ARHGAP15: variants seen among roughly 807,000 people sequenced by gnomAD.
ARHGAP15 encodes Rho GTPase activating protein 15.
In ARHGAP15, 51 loss-of-function variants were observed where a neutral mutation model predicts 63.7. The observed-to-expected ratio is 0.80, with a 90% confidence interval of 0.64 to 1.01. The LOEUF (loss-of-function observed/expected upper bound fraction) is 1.01. Among genes scored for constraint, ARHGAP15 ranks in the 50% least tolerant of loss-of-function variants. The probability of loss-of-function intolerance (pLI) is 0.00; values close to 1 mark genes in which losing one functional copy is unlikely to be tolerated. For synonymous variants in ARHGAP15, 191 were observed against 193.8 expected, an observed-to-expected ratio of 0.99 and a Z score of 0.12; for missense variants, 560 against 564.6, an observed-to-expected ratio of 0.99 and a Z score of 0.08.
At chr2:143,643,064 G>T (rs1472061955) in intron 12 of ARHGAP15, among the ~76,000 whole-genome samples, 2 of 152,090 alleles carry the variant, frequency 1.3e-5, no homozygotes, top group Non-Finnish European at 2.9e-5. Flanking sequence ...TAATTGCGGA[G>T]AATTCAATAC....
chr2:143,321,957 G>T (rs964769106), intron 6 of ARHGAP15, among the ~76,000 whole-genome samples: 1 of 152,182 alleles, frequency 6.6e-6, no homozygotes, highest in Admixed American at 6.5e-5. Flanking sequence ...TAATGGAGTC[G>T]TAGGGGACTT....
chr2:143,346,212 ACTCTCTCTCACACACACTCT>A (rs1558909598), intron 6 of ARHGAP15, among the ~76,000 whole-genome samples: 14 of 135,158 alleles, frequency 1.0e-4, no homozygotes, highest in African/African-American at 3.3e-4. Context: ...TCACACACAC[ACTCTCTCTCACACACACTCT>A]CTCTCACACA....
chr2:143,333,696 G>A (rs987226038), intron 6 of ARHGAP15, among the ~76,000 whole-genome samples: 8 of 152,198 alleles, frequency 5.3e-5, no homozygotes, highest in Admixed American at 1.3e-4. Context: ...GTATAGCACC[G>A]GCTAAGAGCA....
At position 143,556,431 on chromosome 2, in the gene ARHGAP15, C is replaced by T. The variant is rs763082124; in HGVS notation, c.949C>T (p.Arg317Ter). 9.3e-6 allele frequency: 15 copies of T among 1,611,418 alleles called. No individual in the cohort carries two copies. Among genetic ancestry groups the T allele is most frequent in the East Asian group, 2.2e-5 (1 of 44,656 alleles). Reference protein sequence around the residue: ...KRGLDVDGIYRVSGNLATIQK... With the variant: ...KRGLDVDGIY ...AGGTCTAGATGTTGATGGAATATAT[C>T]GAGTTAGTGGCAATCTGGCAACAAT... Residue 317 changes from arginine to a stop codon, truncating the protein, a stop_gained, in exon 11 of 14, where the codon CGA becomes TGA. Coordinates refer to ENST00000295095, the MANE Select transcript of ARHGAP15 (RefSeq NM_018460.4). LOFTEE classifies it high-confidence loss of function.
chr2:143,534,561 C>A (rs1467471234), intron 10 of ARHGAP15, among the ~76,000 whole-genome samples: 1 of 151,244 alleles, frequency 6.6e-6, no homozygotes, highest in Non-Finnish European at 1.5e-5. Flanking sequence ...GAAATATTCA[C>A]GACATTTCAA....
chr2:143,274,861 C>T (rs1417746413), intron 6 of ARHGAP15, among the ~76,000 whole-genome samples: 10 of 152,104 alleles, frequency 6.6e-5, no homozygotes, highest in African/African-American at 9.7e-5. Flanking sequence ...TGGTAAAATT[C>T]CCGAATCAAA....
intron 2 of ARHGAP15, 43 bp from the exon 3 acceptor site, chr2:143,202,091 A>G (rs778499726): frequency 6.6e-7 from 1 of 1,509,908 alleles, no homozygotes; most frequent in South Asian, 1.1e-5. Flanking sequence ...AAACTCTATC[A>G]AGAAAAATTA....
intron 6 of ARHGAP15, among the ~76,000 whole-genome samples, chr2:143,345,212 G>A (rs1685217477): frequency 6.7e-6 from 1 of 149,994 alleles, no homozygotes; most frequent in South Asian, 2.1e-4. Context: ...TATGGTTTCA[G>A]TAGTTAAAAT....
intron 11 of ARHGAP15, among the ~76,000 whole-genome samples, chr2:143,573,036 C>G (rs987310768): frequency 6.6e-6 from 1 of 151,928 alleles, no homozygotes; most frequent in African/African-American, 2.4e-5. Context: ...ATAGAAGAAA[C>G]AATATTCAGG....
At chr2:143,354,493 T>C (rs1685721215) in intron 6 of ARHGAP15, among the ~76,000 whole-genome samples, 1 of 152,094 alleles carries the variant, frequency 6.6e-6, no homozygotes, top group South Asian at 2.1e-4. Context: ...ACCAGTTTAA[T>C]GAGGTCTCCT....
intron 12 of ARHGAP15, among the ~76,000 whole-genome samples, chr2:143,655,331 G>A (rs1681382108): frequency 6.6e-6 from 1 of 152,034 alleles, no homozygotes; most frequent in Non-Finnish European, 1.5e-5. Flanking sequence ...TTTTCAATGA[G>A]GAAGTAAAAC....
intron 6 of ARHGAP15, among the ~76,000 whole-genome samples, chr2:143,330,105 A>C (rs1574285562): frequency 5.0e-5 from 4 of 79,686 alleles, no homozygotes; most frequent in Non-Finnish European, 9.8e-5. Context: ...AAAAAAAAAA[A>C]AAAAAAAAAA....
chr2:143,558,657 C>A (rs963134444), intron 11 of ARHGAP15, among the ~76,000 whole-genome samples: 1 of 152,142 alleles, frequency 6.6e-6, no homozygotes, highest in Non-Finnish European at 1.5e-5. Context: ...TCCCATTAAC[C>A]AGTTCTAGCC....
intron 6 of ARHGAP15, among the ~76,000 whole-genome samples, chr2:143,253,407 G>A (rs1461241679): frequency 2.6e-5 from 4 of 151,808 alleles, no homozygotes; most frequent in Admixed American, 2.6e-4. Context: ...CTGTTTGGAT[G>A]TTTGAGTTGT....
intron 6 of ARHGAP15, among the ~76,000 whole-genome samples, chr2:143,357,365 T>G (rs1685854169): frequency 6.6e-6 from 1 of 152,132 alleles, no homozygotes; most frequent in Non-Finnish European, 1.5e-5. Context: ...CTTTTTTTTT[T>G]TAGGCACTTG....
intron 13 of ARHGAP15, among the ~76,000 whole-genome samples, chr2:143,748,568 G>A (rs146695265): frequency 7.1e-4 from 108 of 152,264 alleles, no homozygotes; most frequent in African/African-American, 2.5e-3. Context: ...CATTTGCTGC[G>A]TGTATTTGTT....
chr2:143,660,980 G>A (rs1180059989), intron 12 of ARHGAP15, among the ~76,000 whole-genome samples: 1 of 152,174 alleles, frequency 6.6e-6, no homozygotes, highest in Admixed American at 6.5e-5. Flanking sequence ...CTGTGTTTCT[G>A]TCTGAAGGCT....
intron 6 of ARHGAP15, among the ~76,000 whole-genome samples, chr2:143,412,179 C>T (rs928301484): frequency 8.5e-5 from 13 of 152,050 alleles, no homozygotes; most frequent in Non-Finnish European, 7.4e-5. Context: ...GGGTTAGGAA[C>T]GGAGGCAGGT....
At chr2:143,226,680 T>A (rs1003865667) in intron 4 of ARHGAP15, among the ~76,000 whole-genome samples, 2 of 152,212 alleles carry the variant, frequency 1.3e-5, no homozygotes, top group Admixed American at 6.5e-5. Flanking sequence ...TTTTTTCATC[T>A]TTTCATTATT....
Sources: gnomAD v4.1 joint callset for allele counts (sites outside exome capture counted in the v4.1 genomes callset) on GRCh38, gnomAD v4.1.1 for gene constraint, MANE v1.5 for transcripts, NCBI Gene and HGNC (gene_info 2026-07-23, HGNC 2026-07-21) for gene names.